Variants in SCLT1 observed in about 807,000 individuals in gnomAD.
The protein encoded by SCLT1 is sodium channel and clathrin linker 1.
SCLT1 carries 78 observed loss-of-function variants against 112.8 expected under a neutral mutation model. That is an observed-to-expected ratio of 0.69 (90% CI 0.58 to 0.83). SCLT1 has a LOEUF of 0.83. SCLT1 is among the 40% of genes least tolerant of loss of function. The pLI is 0.00. For synonymous variants in SCLT1, 257 were observed against 254.7 expected (o/e 1.01, Z -0.09); for missense variants, 747 against 770.4 (o/e 0.97, Z 0.36).
chr4:128,962,779 G>A (rs1443433620), intron 11 of SCLT1, among the ~76,000 whole-genome samples: 1 of 152,088 alleles, frequency 6.6e-6, no homozygotes, highest in Non-Finnish European at 1.5e-5. Context: ...GCAATAGCCT[G>A]AATAAAATAA....
intron 9 of SCLT1, among the ~76,000 whole-genome samples, chr4:128,975,164 G>C (rs1288981483): frequency 1.3e-5 from 2 of 150,250 alleles, no homozygotes; most frequent in African/African-American, 2.5e-5. Flanking sequence ...TCAGCCTCCT[G>C]AGTAGCTGGG....
At chr4:129,006,808 G>C (rs1369408716) in intron 5 of SCLT1, among the ~76,000 whole-genome samples, 2 of 152,144 alleles carry the variant, frequency 1.3e-5, no homozygotes. Context: ...TTTGGGTTTA[G>C]ATTGCTGTTC....
intron 18 of SCLT1, among the ~76,000 whole-genome samples, chr4:128,894,739 C>T (rs944630434): frequency 3.3e-5 from 5 of 151,872 alleles, no homozygotes; most frequent in East Asian, 1.9e-4. Flanking sequence ...AGTGCAGTGG[C>T]GTGATCTCGG....
chr4:129,039,932 A>AC, intron 4 of SCLT1: 2 of 439,926 alleles, frequency 4.5e-6, no homozygotes, highest in Admixed American at 3.4e-5. Context: ...ACACACACAC[A>AC]AAACCCTGAA....
At chr4:128,982,185 C>T (rs995732668) in intron 9 of SCLT1, among the ~76,000 whole-genome samples, 1 of 152,164 alleles carries the variant, frequency 6.6e-6, no homozygotes, top group Admixed American at 6.5e-5. Context: ...GAGCCTGCTG[C>T]TTTTCAGGTG....
intron 18 of SCLT1, among the ~76,000 whole-genome samples, chr4:128,927,870 A>G (rs1482513079): frequency 6.6e-6 from 1 of 152,040 alleles, no homozygotes; most frequent in Non-Finnish European, 1.5e-5. Flanking sequence ...CTCTGATAAG[A>G]GTGATAACAA....
intron 18 of SCLT1, among the ~76,000 whole-genome samples, chr4:128,898,393 G>A (rs1733968878): frequency 6.6e-6 from 1 of 152,092 alleles, no homozygotes; most frequent in South Asian, 2.1e-4. Context: ...TCAACTACAT[G>A]GAAACTGAAC....
chr4:128,997,416 A>G (rs1346486342), intron 8 of SCLT1: 1 of 151,978 alleles, frequency 6.6e-6, no homozygotes, highest in Admixed American at 6.6e-5. Context: ...GCAGAACTGG[A>G]AAGACTAATT....
intron 5 of SCLT1, among the ~76,000 whole-genome samples, chr4:129,019,734 T>C (rs963016546): frequency 5.3e-5 from 8 of 151,894 alleles, no homozygotes; most frequent in African/African-American, 1.9e-4. Flanking sequence ...ACCTGACAGA[T>C]TTCACTAATC....
At chr4:129,049,999 C>T (rs1236766168) in intron 2 of SCLT1, among the ~76,000 whole-genome samples, 1 of 152,130 alleles carries the variant, frequency 6.6e-6, no homozygotes, top group African/African-American at 2.4e-5. Context: ...ATTTGCTTTT[C>T]TGTTCCTGTG....
intron 7 of SCLT1, 120 bp from the exon 8 acceptor site, chr4:128,998,059 T>C (rs1743159873): frequency 4.7e-6 from 2 of 424,738 alleles, no homozygotes; most frequent in Non-Finnish European, 8.5e-6. Context: ...AAATTAGTAG[T>C]GTTTCTTATT....
intron 2 of SCLT1, among the ~76,000 whole-genome samples, chr4:129,073,847 T>C (rs1244869409): frequency 6.6e-6 from 1 of 152,156 alleles, no homozygotes; most frequent in African/African-American, 2.4e-5. Flanking sequence ...CTCTCCTATA[T>C]GCCAAATACA....
chr4:129,077,507 G>A (rs1018016488), intron 2 of SCLT1, among the ~76,000 whole-genome samples: 5 of 152,162 alleles, frequency 3.3e-5, no homozygotes, highest in African/African-American at 1.2e-4. Flanking sequence ...TTGAAATCAT[G>A]TTGGAAGATA....
At chr4:128,877,419 C>T (rs986826459) in intron 3 of SCLT1, among the ~76,000 whole-genome samples, 16 of 152,126 alleles carry the variant, frequency 1.1e-4, no homozygotes, top group Non-Finnish European at 2.1e-4. Flanking sequence ...CAGTGGCTCA[C>T]GCCTGTAATC....
chr4:128,937,288 A>G (rs1041690442), intron 17 of SCLT1, among the ~76,000 whole-genome samples: 1 of 151,340 alleles, frequency 6.6e-6, no homozygotes, highest in Admixed American at 6.6e-5. Flanking sequence ...AAAAAAAAAA[A>G]AAAAGAAAAA....
At chr4:129,024,111 G>C (rs575469217) in intron 5 of SCLT1, among the ~76,000 whole-genome samples, 1 of 152,324 alleles carries the variant, frequency 6.6e-6, no homozygotes, top group East Asian at 1.9e-4. Flanking sequence ...TCTGGGGGCA[G>C]GGCACAGACA....
At chr4:128,994,145 C>T (rs772911756) in intron 8 of SCLT1, among the ~76,000 whole-genome samples, 6 of 151,948 alleles carry the variant, frequency 3.9e-5, no homozygotes, top group African/African-American at 1.2e-4. Context: ...CTTGTTTGAC[C>T]GAAACTTCAT....
intron 18 of SCLT1, among the ~76,000 whole-genome samples, chr4:128,891,573 C>CA (rs1733323494): frequency 6.6e-6 from 1 of 150,968 alleles, no homozygotes; most frequent in African/African-American, 2.4e-5. Context: ...AAAGCATACT[C>CA]ATATTAAAAA....
At chr4:128,992,259 A>G (rs1487717464) in intron 8 of SCLT1, 22 bp from the exon 9 acceptor site, 6 of 1,488,122 alleles carry the variant, frequency 4.0e-6, no homozygotes, top group African/African-American at 2.8e-5. Context: ...AAAAAAAAGA[A>G]TCAGTATTAG....
Sources: gnomAD v4.1 joint callset for allele counts (sites outside exome capture counted in the v4.1 genomes callset) on GRCh38, gnomAD v4.1.1 for gene constraint, MANE v1.5 for transcripts, NCBI Gene and HGNC (gene_info 2026-07-23, HGNC 2026-07-21) for gene names.